Variants in EYS observed in about 807,000 individuals in gnomAD.
The protein encoded by EYS is EGF-like photoreceptor maintenance factor.
Under a neutral mutation model 282.1 loss-of-function variants are expected in EYS, and 250 were observed. The ratio of observed to expected loss-of-function variants is 0.89; its 90% CI spans 0.80 to 0.98. The LOEUF (loss-of-function observed/expected upper bound fraction) is 0.98. Ranked by LOEUF, EYS falls within the 50% of genes least tolerant of loss-of-function variation. The pLI, the probability that EYS is intolerant of heterozygous loss-of-function variation, is 0.00. For synonymous variants in EYS, 1,355 were observed against 1,282.9 expected (o/e 1.06, Z -1.20); for missense variants, 4,016 against 3,709.0 (o/e 1.08, Z -2.15).
intron 2 of EYS, among the ~76,000 whole-genome samples, chr6:65,636,952 C>G (rs900890967): frequency 1.3e-5 from 2 of 152,134 alleles, no homozygotes; most frequent in African/African-American, 2.4e-5. Context: ...GCTGGGACTA[C>G]CAGTTTACAC....
At chr6:65,425,935 A>C (rs1036817703) in intron 5 of EYS, among the ~76,000 whole-genome samples, 1 of 152,106 alleles carries the variant, frequency 6.6e-6, no homozygotes, top group Non-Finnish European at 1.5e-5. Context: ...ACCAAACTGA[A>C]GACTACAGAA....
intron 31 of EYS, among the ~76,000 whole-genome samples, chr6:64,202,044 C>T (rs899778594): frequency 6.6e-6 from 1 of 152,024 alleles, no homozygotes; most frequent in Non-Finnish European, 1.5e-5. Flanking sequence ...AGACAAACTG[C>T]TGCAAATAAA....
chr6:64,710,745 A>G (rs943993742), intron 22 of EYS, among the ~76,000 whole-genome samples: 1 of 152,264 alleles, frequency 6.6e-6, no homozygotes, highest in Non-Finnish European at 1.5e-5. Context: ...CACTTGCTCA[A>G]AGAGTGCTCT....
Position 64,533,716 on chromosome 6 carries a change from T to C in EYS, c.5644+56507A>G, listed in dbSNP as rs540259202. Among the ~76,000 whole-genome samples the C allele has an allele frequency of 4.1e-3, 617 of 152,150 alleles. 4 individuals carry two copies. Among genetic ancestry groups the C allele is most frequent in the African/African-American group, 0.014 (590 of 41,572 alleles). On this transcript the variant is annotated intron_variant, in intron 26 of 42. Coordinates refer to ENST00000503581, the MANE Select transcript of EYS (RefSeq NM_001142800.2). The stretch of plus-strand genomic sequence containing the variant: ...ACTTGTTTAAGCTAATGTAAAATTA[T>C]ATCAGACAAAAATCCAGAACTCCAG...
At chr6:64,152,906 T>C (rs1382462497) in intron 31 of EYS, among the ~76,000 whole-genome samples, 2 of 152,112 alleles carry the variant, frequency 1.3e-5, no homozygotes, top group South Asian at 2.1e-4. Flanking sequence ...TAAAACCCTA[T>C]GGAGATGAGG....
chr6:64,358,794 CAA>C (rs1771915437), intron 29 of EYS, among the ~76,000 whole-genome samples: 1 of 151,580 alleles, frequency 6.6e-6, no homozygotes, highest in African/African-American at 2.4e-5. Context: ...TGAGAGTAGG[CAA>C]AGCAGTAATA....
chr6:65,227,415 A>G (rs1766656042), intron 12 of EYS, among the ~76,000 whole-genome samples: 1 of 152,146 alleles, frequency 6.6e-6, no homozygotes, highest in African/African-American at 2.4e-5. Flanking sequence ...AAAAATACAC[A>G]TATAAGAACA....
chr6:64,387,332 G>A (rs958324467), intron 29 of EYS, among the ~76,000 whole-genome samples: 1 of 152,010 alleles, frequency 6.6e-6, no homozygotes, highest in African/African-American at 2.4e-5. Context: ...GCTTCTGCAT[G>A]TTTATATTTA....
intron 26 of EYS, among the ~76,000 whole-genome samples, chr6:64,494,209 G>A (rs1776823453): frequency 6.6e-6 from 1 of 151,494 alleles, no homozygotes; most frequent in African/African-American, 2.4e-5. Context: ...GGTCTCTTGG[G>A]TCTGATTTCA....
chr6:64,774,819 A>T (rs978727955), intron 22 of EYS, among the ~76,000 whole-genome samples: 1 of 151,832 alleles, frequency 6.6e-6, no homozygotes, highest in African/African-American at 2.4e-5. Context: ...CTCCTTTCCT[A>T]AATTTATGAC....
intron 12 of EYS, among the ~76,000 whole-genome samples, chr6:65,223,344 G>A (rs989565918): frequency 3.9e-5 from 6 of 152,130 alleles, no homozygotes; most frequent in Admixed American, 1.3e-4. Flanking sequence ...TCCAGCCTGG[G>A]CAACAGAATG....
chr6:65,636,454 A>C (rs1586658), intron 2 of EYS, among the ~76,000 whole-genome samples: 80,430 of 152,008 alleles, frequency 0.53, 22,421 homozygotes, highest in Non-Finnish European at 0.61. Flanking sequence ...TTGCTCTTCA[A>C]CCAACTAGCT....
intron 1 of EYS, among the ~76,000 whole-genome samples, chr6:65,642,693 G>A (rs1767319800): frequency 6.6e-6 from 1 of 152,000 alleles, no homozygotes. Flanking sequence ...ACTTCTATTA[G>A]TTCTAGTTTT....
intron 35 of EYS, among the ~76,000 whole-genome samples, chr6:63,874,689 C>A (rs561769416): frequency 2.8e-4 from 42 of 152,246 alleles, no homozygotes; most frequent in Middle Eastern, 6.8e-3. Flanking sequence ...TCCTTCACAT[C>A]CTTTGTAAGT....
chr6:63,739,851 G>A (rs991280680), intron 41 of EYS, among the ~76,000 whole-genome samples: 17 of 134,956 alleles, frequency 1.3e-4, no homozygotes, highest in South Asian at 4.9e-4. Flanking sequence ...ATGCCACCAC[G>A]CCCAGCTATT....
chr6:65,499,421 T>C (rs1308674565), intron 2 of EYS, among the ~76,000 whole-genome samples: 1 of 152,036 alleles, frequency 6.6e-6, no homozygotes, highest in Non-Finnish European at 1.5e-5. Flanking sequence ...TAGACAATAT[T>C]ATGAACTGTG....
At chr6:64,294,503 T>C (rs552617615) in intron 30 of EYS, among the ~76,000 whole-genome samples, 252 of 152,310 alleles carry the variant, frequency 1.7e-3, no homozygotes, top group African/African-American at 5.8e-3. Flanking sequence ...AAGGTAAGAC[T>C]ACATTCCCTG....
intron 30 of EYS, among the ~76,000 whole-genome samples, chr6:64,242,412 C>T (rs1458807510): frequency 6.7e-6 from 1 of 150,140 alleles, no homozygotes; most frequent in Non-Finnish European, 1.5e-5. Context: ...ATTTTTCTTT[C>T]TTCCCTCCAC....
chr6:64,441,319 T>C (rs755645902), intron 26 of EYS, among the ~76,000 whole-genome samples: 13 of 152,210 alleles, frequency 8.5e-5, no homozygotes, highest in Non-Finnish European at 1.8e-4. Context: ...AAAATTAAAG[T>C]TGAGCAAACT....
Sources: gnomAD v4.1 joint callset for allele counts (sites outside exome capture counted in the v4.1 genomes callset) on GRCh38, gnomAD v4.1.1 for gene constraint, MANE v1.5 for transcripts, NCBI Gene and HGNC (gene_info 2026-07-23, HGNC 2026-07-21) for gene names.